The following ACACA variants were observed in gnomAD, a reference collection of about 807,000 sequenced individuals.
ACACA encodes acetyl-CoA carboxylase alpha.
In ACACA, 103 loss-of-function variants were observed where a neutral mutation model predicts 296.1. That is an observed-to-expected ratio of 0.35 (90% confidence interval 0.30 to 0.41). ACACA has a LOEUF of 0.41. ACACA is among the 10% of genes least tolerant of loss of function. The probability of loss-of-function intolerance (pLI) is 1.00; values close to 1 mark genes in which losing one functional copy is unlikely to be tolerated. For missense variants in ACACA, 1,554 were observed against 2,989.7 expected (o/e 0.52, Z 11.20); for synonymous variants, 953 against 1,038.6 (o/e 0.92, Z 1.58).
chr17:37,170,150 G>T (rs1234875378), intron 41 of ACACA, among the ~76,000 whole-genome samples: 2 of 152,038 alleles, frequency 1.3e-5, no homozygotes, highest in Admixed American at 1.3e-4. Context: ...ATCAACCTAA[G>T]CTGATTATCT....
chr17:37,292,613 C>T (rs376732192), intron 3 of ACACA, among the ~76,000 whole-genome samples: 2 of 152,100 alleles, frequency 1.3e-5, no homozygotes, highest in African/African-American at 2.4e-5. Context: ...CCCAGCACTT[C>T]GGGAGGCCAA....
chr17:37,406,336 C>A lies in ACACA; in HGVS notation c.-37G>T. The A allele has an allele frequency of 6.2e-7, 1 of 1,611,852 alleles. No individual in the cohort carries two copies. Among genetic ancestry groups the A allele is most frequent in the Non-Finnish European group, 8.5e-7 (1 of 1,177,964 alleles). On this transcript the variant is annotated 5_prime_UTR_variant, in exon 1 of 56. Coordinates refer to ENST00000616317, the MANE Select transcript of ACACA (RefSeq NM_198834.3). Reference sequence around the variant, plus strand: ...TGCGCCTCAATTTGGGCCTCTGAAGCCCAAAGAGGGGATGGTTCTTTCCAA... The same window carrying A: ...TGCGCCTCAATTTGGGCCTCTGAAGACCAAAGAGGGGATGGTTCTTTCCAA...
At position 37,359,012 on chromosome 17, in the gene ACACA, C is replaced by T. The variant is rs866645546; in HGVS notation, c.39-19162G>A. On this transcript the variant is annotated intron_variant, in intron 1 of 55. Transcript: ENST00000616317. ...CCCTCACCTCACCTCAGGGTGGCAA[C>T]GTGTGCGGTCGGGCGATTCCGGAGC... 5 of 985,562 alleles carry T rather than the reference C, an allele frequency of 5.1e-6. No homozygotes were observed. The African/African-American group carries it at 8.7e-5, about 17-fold the overall frequency. The allele number at this position is 985,562 out of a possible 1,614,324, so 61.1% of individuals were successfully genotyped here.
rs752582650 is a variant in ACACA, at chr17:37,337,965, C to T, written c.85+1839G>A. 1.1e-4 allele frequency among the ~76,000 whole-genome samples: 16 copies of T among 151,890 alleles called. 1 individual carries two copies. The highest frequency in any genetic ancestry group is 1.8e-4 in the Non-Finnish European group (12 of 67,892). ...ACAAAAAATTAGCCGGGCGTAGTGG[C>T]GGGCACCTGTAGTCCCAGCTACTCG... On this transcript the variant is annotated intron_variant, in intron 2 of 55. Transcript: ENST00000616317.
intron 9 of ACACA, among the ~76,000 whole-genome samples, chr17:37,273,041 T>C (rs115765257): frequency 0.022 from 3,415 of 152,286 alleles, 121 homozygotes; most frequent in African/African-American, 0.078. Flanking sequence ...GAATAGCTAG[T>C]TCCTTACAAA....
At chr17:37,167,427 T>C (rs774597407) in intron 41 of ACACA, among the ~76,000 whole-genome samples, 11 of 151,666 alleles carry the variant, frequency 7.3e-5, no homozygotes, top group Non-Finnish European at 1.6e-4. Context: ...CAAGTGATTA[T>C]CCTGCCTCAG....
At chr17:37,104,333 G>A (rs1285803952) in intron 52 of ACACA, among the ~76,000 whole-genome samples, 2 of 152,140 alleles carry the variant, frequency 1.3e-5, no homozygotes, top group African/African-American at 4.8e-5. Flanking sequence ...AATATCACTG[G>A]TCAAATAAGA....
chr17:37,277,821 T>C lies in ACACA; in HGVS notation c.720+75A>G. The C allele has an allele frequency of 2.6e-6, 3 of 1,156,240 alleles. No individual in the cohort carries two copies. In the South Asian group the frequency reaches 3.7e-5, roughly 14 times the overall value. 71.6% of individuals were successfully genotyped at this position (1,156,240 alleles called of 1,614,324 possible). A position where few individuals can be genotyped will look rare whatever the true frequency, so the allele number is the denominator to read the frequency against. On this transcript the variant is annotated intron_variant, in intron 6 of 55. Transcript: ENST00000616317. ...AAAATGATGCTTTACAAAAATGTTCTTCTCTAGATATCCCCTTGTGCCTAA... is the reference window on the plus strand; with the variant it reads ...AAAATGATGCTTTACAAAAATGTTCCTCTCTAGATATCCCCTTGTGCCTAA...
intron 45 of ACACA, among the ~76,000 whole-genome samples, chr17:37,135,419 T>C (rs1015849029): frequency 1.3e-5 from 2 of 152,192 alleles, no homozygotes; most frequent in African/African-American, 4.8e-5. Context: ...GGTGACATAC[T>C]GTGGGCAGAA....
intron 40 of ACACA, 53 bp downstream of exon 40, chr17:37,181,148 A>G: frequency 6.2e-7 from 1 of 1,602,822 alleles, no homozygotes; most frequent in South Asian, 1.1e-5. Flanking sequence ...ATGGAAATTC[A>G]GGGAAACCTT....
rs2075008790 is a variant in ACACA, at chr17:37,129,934, A to G, written c.5823+141T>C. Reference sequence around the variant, plus strand: ...GGCAAAATATGGCTGTAAGGAAAAGAGAAATCAATAGCTTTCAGAGAAATA... The same window carrying G: ...GGCAAAATATGGCTGTAAGGAAAAGGGAAATCAATAGCTTTCAGAGAAATA... On this transcript the variant is annotated intron_variant, in intron 46 of 55. Coordinates refer to ENST00000616317, the MANE Select transcript of ACACA (RefSeq NM_198834.3). 10 of 1,252,876 alleles carry G rather than the reference A, an allele frequency of 8.0e-6. No homozygotes were observed. In the Admixed American group the frequency reaches 1.8e-4, roughly 22 times the overall value. 77.6% of individuals were successfully genotyped at this position (1,252,876 alleles called of 1,614,324 possible).
chr17:37,088,761 A>AAAAG (rs1359682791), intron 55 of ACACA, among the ~76,000 whole-genome samples, 177 bp downstream of exon 55: 1 of 152,210 alleles, frequency 6.6e-6, no homozygotes, highest in African/African-American at 2.4e-5. Flanking sequence ...CAGTAGCTGA[A>AAAAG]AAAGAATTGG....
chr17:37,136,069 A>T (rs1323700447), intron 45 of ACACA, among the ~76,000 whole-genome samples: 1 of 143,070 alleles, frequency 7.0e-6, no homozygotes, highest in Non-Finnish European at 1.5e-5. Context: ...TTTTAAATAA[A>T]GTCTGGTTTA....
At chr17:37,130,312 A>C in intron 45 of ACACA, 94 bp from the exon 46 acceptor site, 1 of 1,473,776 alleles carries the variant, frequency 6.8e-7, no homozygotes, top group South Asian at 1.1e-5. Flanking sequence ...TCTTTTCTCC[A>C]CAAAACAGAG....
intron 3 of ACACA, among the ~76,000 whole-genome samples, chr17:37,292,137 G>A (rs979821307): frequency 5.3e-5 from 8 of 152,058 alleles, no homozygotes; most frequent in Admixed American, 4.6e-4. Flanking sequence ...TTTAAAGAGG[G>A]TGATACGAGC....
intron 1 of ACACA, among the ~76,000 whole-genome samples, chr17:37,398,034 T>C (rs2051137785): frequency 6.6e-6 from 1 of 151,862 alleles, no homozygotes; most frequent in Non-Finnish European, 1.5e-5. Flanking sequence ...ATTGAGACCA[T>C]CCTGGCTAAC....
intron 41 of ACACA, among the ~76,000 whole-genome samples, chr17:37,178,933 C>T (rs1005326630): frequency 6.6e-6 from 1 of 152,238 alleles, no homozygotes; most frequent in Admixed American, 6.5e-5. Flanking sequence ...TTCATCTACA[C>T]ACCCACCCTC....
intron 51 of ACACA, among the ~76,000 whole-genome samples, chr17:37,112,120 G>A (rs1159953379): frequency 1.3e-5 from 2 of 150,788 alleles, no homozygotes; most frequent in African/African-American, 4.9e-5. Flanking sequence ...CTGCTTGTAG[G>A]ACACTGATCA....
intron 35 of ACACA, among the ~76,000 whole-genome samples, chr17:37,193,908 A>T (rs909254678): frequency 1.3e-5 from 2 of 152,200 alleles, no homozygotes; most frequent in African/African-American, 4.8e-5. Context: ...AAGGGTTTAA[A>T]TGATAACATT....
Sources: allele counts gnomAD v4.1 joint callset (sites outside exome capture counted in the v4.1 genomes callset), GRCh38; gene constraint gnomAD v4.1.1; transcripts MANE v1.5; gene names NCBI Gene and HGNC (gene_info 2026-07-23, HGNC 2026-07-21).